Variants in NEUROG1 observed in about 807,000 individuals in gnomAD.
NEUROG1 encodes neurogenin-1.
Under a neutral mutation model 5.7 loss-of-function variants are expected in NEUROG1, and 5 were observed. That is an observed-to-expected ratio of 0.88 (90% CI 0.46 to 1.85). The LOEUF is 1.85. Among genes scored for constraint, NEUROG1 ranks in the 40% most tolerant of loss-of-function variants. NEUROG1 has a pLI of 0.01. For missense variants in NEUROG1, 403 were observed against 345.7 expected (o/e 1.17, Z -1.32); for synonymous variants, 196 against 157.4 (o/e 1.25, Z -1.84).
At position 135,534,895 on chromosome 5, in the gene NEUROG1, G is replaced by A; in HGVS notation, c.*82C>T. The A allele has an allele frequency of 7.2e-7, 1 of 1,388,060 alleles. No homozygotes were observed. The highest frequency in any genetic ancestry group is 9.8e-7 in the Non-Finnish European group (1 of 1,017,396). 86.0% of individuals were successfully genotyped at this position (1,388,060 alleles called of 1,614,324 possible). A position where few individuals can be genotyped will look rare whatever the true frequency, so the allele number is the denominator to read the frequency against. Reference sequence around the variant, plus strand: ...CCCGCTTCCTCCCTCCGCCTGGAGAGGGGGTCCCGAGGCGGCAGCTGGGGC... The same window carrying A: ...CCCGCTTCCTCCCTCCGCCTGGAGAAGGGGTCCCGAGGCGGCAGCTGGGGC... On this transcript the variant is annotated 3_prime_UTR_variant, in exon 1 of 1. Coordinates refer to ENST00000314744, the MANE Select transcript of NEUROG1 (RefSeq NM_006161.3).
At position 135,535,496 on chromosome 5, in the gene NEUROG1, C is replaced by G. The variant is rs1427168768; in HGVS notation, c.195G>C (p.Gln65His). 6.3e-7 allele frequency: 1 copy of G among 1,574,856 alleles called. No individual in the cohort carries two copies. The highest frequency in any genetic ancestry group is 8.6e-7 in the Non-Finnish European group (1 of 1,166,528). Residue 65 changes from glutamine to histidine, a missense_variant, in exon 1 of 1, where the codon CAG becomes CAC. By Grantham distance (24) the Gln-to-His change is conservative (BLOSUM62 0). Transcript: ENST00000314744. ...GCCGCCGCCTCTCCTGCTCGTCGTC[C>G]TGTGCCCCTGGAACCTCAGACGCCC... ...ISRASEVPGA[Q>H]DDEQERRRRR... is the part of the protein sequence containing the mutation.
rs8192558 is a variant in NEUROG1 at position 135,535,750 on chromosome 5, A to C, written c.-60T>G. 330,113 of 1,432,470 alleles carry C rather than the reference A, an allele frequency of 0.23. 38,918 individuals carry two copies. Among genetic ancestry groups the C allele is most frequent in the Middle Eastern group, 0.26 (1,253 of 4,896 alleles). The allele number at this position is 1,432,470 out of a possible 1,614,324, so 88.7% of individuals were successfully genotyped here. A position where few individuals can be genotyped will look rare whatever the true frequency, so the allele number is the denominator to read the frequency against. On this transcript the variant is annotated 5_prime_UTR_variant, in exon 1 of 1. Coordinates refer to ENST00000314744, the MANE Select transcript of NEUROG1 (RefSeq NM_006161.3). ...AGGCGCTCAGAGCGCTGCAGCCCGG[A>C]CTGAGGGCAGAGCCGCCAGGGCGCA...
In NEUROG1 at chr5:135,535,606, C is replaced by A. The variant is rs774189882; in HGVS notation, c.85G>T (p.Glu29Ter). Reference protein sequence around the residue: ...GSDLSGFLTDEEDCARLQQAA... With the variant: ...GSDLSGFLTD ...TGTTGGAGTCTGGCACAGTCTTCCT[C>A]GTCGGTGAGGAAGCCGGATAGGTCA... The change falls in exon 1 of 1, where the codon GAG becomes TAG. Residue 29 changes from glutamate to a stop codon, truncating the protein, a stop_gained. Transcript: ENST00000314744. LOFTEE classifies it low-confidence loss of function (END_TRUNC). 6.3e-7 allele frequency: 1 copy of A among 1,595,020 alleles called. No homozygotes were observed. The highest frequency in any genetic ancestry group is 8.5e-7 in the Non-Finnish European group (1 of 1,176,352).
chr5:135,535,008 T>C lies in NEUROG1; in HGVS notation c.683A>G (p.His228Arg). The change falls in exon 1 of 1, where the codon CAC becomes CGC. Residue 228 changes from histidine (H) to arginine (R), a missense_variant. By Grantham distance (29) the His-to-Arg change is conservative. Transcript: ENST00000314744. Reference sequence around the variant, plus strand: ...GTAAGGAATGAAACAGGGCGTTGTGTGGAGCAAGTCTTTGGGCAGGCTTGG... The same window carrying C: ...GTAAGGAATGAAACAGGGCGTTGTGCGGAGCAAGTCTTTGGGCAGGCTTGG... ...SFPSLPKDLLHTTPCFIPYH is the reference protein window; with the variant it reads ...SFPSLPKDLLRTTPCFIPYH 1.9e-6 allele frequency: 3 copies of C among 1,613,874 alleles called. No homozygotes were observed. Among genetic ancestry groups the C allele is most frequent in the Non-Finnish European group, 2.5e-6 (3 of 1,179,884 alleles).
rs760050425 is a variant in NEUROG1, at chr5:135,535,615, G to A, written c.76C>T (p.Leu26Phe). 26 of 1,596,890 alleles carry A rather than the reference G, an allele frequency of 1.6e-5. No individual in the cohort carries two copies. The Admixed American group carries it at 4.1e-4, about 25-fold the overall frequency. ...SSSGSDLSGF[L>F]TDEEDCARLQ... ...CTGGCACAGTCTTCCTCGTCGGTGA[G>A]GAAGCCGGATAGGTCACTGCCGCTG... Residue 26 changes from leucine (L) to phenylalanine (F), a missense_variant, in exon 1 of 1, where the codon CTC becomes TTC. Coordinates refer to ENST00000314744, the MANE Select transcript of NEUROG1 (RefSeq NM_006161.3).
rs147786121 is a variant in NEUROG1 at position 135,535,244 on chromosome 5, G to A, written c.447C>T (p.Arg149=). The part of the protein sequence containing the change: ...NYIWALAETL[R]LADQGLPGGG... Reference sequence around the variant, plus strand: ...CTCCGGGCAGCCCTTGATCCGCCAGGCGCAGTGTCTCGGCCAGAGCCCAGA... The same window carrying A: ...CTCCGGGCAGCCCTTGATCCGCCAGACGCAGTGTCTCGGCCAGAGCCCAGA... Residue 149 remains arginine (R), a synonymous_variant, in exon 1 of 1, where the codon CGC becomes CGT. Coordinates refer to ENST00000314744, the MANE Select transcript of NEUROG1 (RefSeq NM_006161.3). The A allele has an allele frequency of 9.4e-5, 151 of 1,613,260 alleles. No individual in the cohort carries two copies. Among genetic ancestry groups the A allele is most frequent in the Admixed American group, 4.5e-4 (27 of 60,000 alleles).
In NEUROG1 at chr5:135,534,784, G is replaced by T. The variant is rs985566446; in HGVS notation, c.*193C>A. 1.7e-6 allele frequency: 1 copy of T among 602,954 alleles called. No homozygotes were observed. Among genetic ancestry groups the T allele is most frequent in the Non-Finnish European group, 2.9e-6 (1 of 350,050 alleles). 37.4% of individuals were successfully genotyped at this position (602,954 alleles called of 1,614,324 possible). On this transcript the variant is annotated 3_prime_UTR_variant, in exon 1 of 1. Transcript: ENST00000314744. Reference sequence around the variant, plus strand: ...CGGGCAGGAGGGGCGCTGGGCTGAGGGCCGGAGAAACAGACCAAGAGACAT... The same window carrying T: ...CGGGCAGGAGGGGCGCTGGGCTGAGTGCCGGAGAAACAGACCAAGAGACAT...
Position 135,534,959 on chromosome 5 carries a change from A to T in NEUROG1, c.*18T>A, listed in dbSNP as rs1396896824. The T allele has an allele frequency of 6.2e-7, 1 of 1,607,286 alleles. No individual in the cohort carries two copies. Among genetic ancestry groups the T allele is most frequent in the African/African-American group, 1.3e-5 (1 of 74,160 alleles). On this transcript the variant is annotated 3_prime_UTR_variant, in exon 1 of 1. Transcript: ENST00000314744. Reference sequence around the variant, plus strand: ...TGCTGACTAGGGGAGGGGGAAAGTAACAGTGTCTACAAAGGGCCTAGTGGT... The same window carrying T: ...TGCTGACTAGGGGAGGGGGAAAGTATCAGTGTCTACAAAGGGCCTAGTGGT...
rs1308787243 is a variant in NEUROG1, at chr5:135,535,151, G to A, written c.540C>T (p.Ala180=). 3.7e-6 allele frequency: 6 copies of A among 1,609,084 alleles called. No homozygotes were observed. Among genetic ancestry groups the A allele is most frequent in the Non-Finnish European group, 5.1e-6 (6 of 1,177,816 alleles). Residue 180 remains alanine (A), a synonymous_variant, in exon 1 of 1, where the codon GCC becomes GCT. Coordinates refer to ENST00000314744, the MANE Select transcript of NEUROG1 (RefSeq NM_006161.3). ...VPCLPGPPSP[A]SDAESWGSGA... Reference sequence around the variant, plus strand: ...CTGAGCCCCAGGACTCCGCGTCGCTGGCGGGGCTTGGGGGACCGGGCAGGC... The same window carrying A: ...CTGAGCCCCAGGACTCCGCGTCGCTAGCGGGGCTTGGGGGACCGGGCAGGC...
rs759444958 is a variant in NEUROG1, at chr5:135,535,449, C to T, written c.242G>A (p.Arg81His). Residue 81 changes from arginine to histidine, a missense_variant, in exon 1 of 1, where the codon CGC becomes CAC. Transcript: ENST00000314744. ...CAGCGAGTGCAGCAGCGCCTCGGAG[C>T]GGACCCGCGTCCGGCCGCGGCGCCG... ...RRRRRGRTRV[R>H]SEALLHSLRR... 15 of 1,575,630 alleles carry T rather than the reference C, an allele frequency of 9.5e-6. No homozygotes were observed. The highest frequency in any genetic ancestry group is 1.3e-5 in the Non-Finnish European group (15 of 1,163,788).
chr5:135,534,998 G>A lies in NEUROG1; in HGVS notation c.693C>T (p.Pro231=). 6.2e-7 allele frequency: 1 copy of A among 1,613,936 alleles called. No homozygotes were observed. The highest frequency in any genetic ancestry group is 1.1e-5 in the South Asian group (1 of 91,074). ...GGGCCTAGTGGTAAGGAATGAAACA[G>A]GGCGTTGTGTGGAGCAAGTCTTTGG... ...SLPKDLLHTT[P]CFIPYH is the part of the protein sequence containing the mutation. Residue 231 remains proline (P), a synonymous_variant, in exon 1 of 1, where the codon CCC becomes CCT. Coordinates refer to ENST00000314744, the MANE Select transcript of NEUROG1 (RefSeq NM_006161.3).
At position 135,534,687 on chromosome 5, in the gene NEUROG1, G is replaced by A; in HGVS notation, c.*290C>T. The A allele has an allele frequency of 2.6e-6, 1 of 377,654 alleles. No individual in the cohort carries two copies. The highest frequency in any genetic ancestry group is 4.7e-6 in the Non-Finnish European group (1 of 212,632). The allele number at this position is 377,654 out of a possible 1,614,324, so 23.4% of individuals were successfully genotyped here. A position where few individuals can be genotyped will look rare whatever the true frequency, so the allele number is the denominator to read the frequency against. ...AAATCACACTGAAGTGGTGGCTGGGGTCAGTTCTGAGCCAGTCACAAAGGA... is the reference window on the plus strand; with the variant it reads ...AAATCACACTGAAGTGGTGGCTGGGATCAGTTCTGAGCCAGTCACAAAGGA... On this transcript the variant is annotated 3_prime_UTR_variant, in exon 1 of 1. Transcript: ENST00000314744.
chr5:135,535,710 G>T lies in NEUROG1; in HGVS notation c.-20C>A. 6.7e-7 allele frequency: 1 copy of T among 1,501,488 alleles called. No individual in the cohort carries two copies. Among genetic ancestry groups the T allele is most frequent in the South Asian group, 1.4e-5 (1 of 73,556 alleles). The allele number at this position is 1,501,488 out of a possible 1,614,324, so 93.0% of individuals were successfully genotyped here. A position where few individuals can be genotyped will look rare whatever the true frequency, so the allele number is the denominator to read the frequency against. ...TGGCATCGTTGCGCTGTGCAGGACC[G>T]ACGGACAGATAGAAAGGCGCTCAGA... On this transcript the variant is annotated 5_prime_UTR_variant, in exon 1 of 1. Transcript: ENST00000314744.
chr5:135,535,469 G>GCGC lies in NEUROG1; in HGVS notation c.219_221dup (p.Arg75dup), dbSNP rs749025684. ...CGGAGCGGACCCGCGTCCGGCCGCGGCGCCGCCGCCTCTCCTGCTCGTCGT... is the reference window on the plus strand; with the variant it reads ...CGGAGCGGACCCGCGTCCGGCCGCGGCGCCGCCGCCGCCTCTCCTGCTCGTCGT... On this transcript the variant is annotated inframe_insertion, in exon 1 of 1. Transcript: ENST00000314744. 4 of 1,564,850 alleles carry GCGC rather than the reference G, an allele frequency of 2.6e-6. No homozygotes were observed. The highest frequency in any genetic ancestry group is 1.9e-5 in the Admixed American group (1 of 53,700).
rs774275723 is a variant in NEUROG1 at position 135,535,664 on chromosome 5, G to A, written c.27C>T (p.Ile9=). 1 of 1,575,286 alleles carries A rather than the reference G, an allele frequency of 6.3e-7. No individual in the cohort carries two copies. Among genetic ancestry groups the A allele is most frequent in the Non-Finnish European group, 8.6e-7 (1 of 1,165,148 alleles). The change falls in exon 1 of 1, where the codon ATC becomes ATT. Residue 9 remains isoleucine (I), a synonymous_variant. Transcript: ENST00000314744. MPARLETC[I]SDLDCASSSG... is the part of the protein sequence containing the mutation. ...TGCTGCTGGCGCAGTCGAGGTCGGA[G>A]ATGCAGGTCTCAAGGCGGGCTGGCA...
Position 135,535,160 on chromosome 5 carries a change from T to TG in NEUROG1, c.530dup (p.Ser178LysfsTer21). 1 of 1,609,356 alleles carries TG rather than the reference T, an allele frequency of 6.2e-7. No homozygotes were observed. The highest frequency in any genetic ancestry group is 8.5e-7 in the Non-Finnish European group (1 of 1,177,882). On this transcript the variant is annotated frameshift_variant, in exon 1 of 1. Transcript: ENST00000314744. LOFTEE classifies it high-confidence loss of function. ...AGGACTCCGCGTCGCTGGCGGGGCT[T>TG]GGGGGACCGGGCAGGCAGGGGACGC...
In NEUROG1 at chr5:135,535,184, GCA is replaced by G. The variant is rs755781763; in HGVS notation, c.505_506del (p.Cys169ArgfsTer29). ...GARERLLPPQ[C>X]VPCLPGPPSP... ...TTGGGGGACCGGGCAGGCAGGGGAC[GCA>G]CTGCGGCGGCAGGAGGCGCTCCCGG... On this transcript the variant is annotated frameshift_variant, in exon 1 of 1. Coordinates refer to ENST00000314744, the MANE Select transcript of NEUROG1 (RefSeq NM_006161.3). LOFTEE classifies it high-confidence loss of function. 1 of 1,610,214 alleles carries G rather than the reference GCA, an allele frequency of 6.2e-7. No individual in the cohort carries two copies. The highest frequency in any genetic ancestry group is 1.1e-5 in the South Asian group (1 of 90,832).
Position 135,535,442 on chromosome 5 carries a change from C to T in NEUROG1, c.249G>A (p.Glu83=). ...TCCTGCGCAGCGAGTGCAGCAGCGC[C>T]TCGGAGCGGACCCGCGTCCGGCCGC... ...RRRGRTRVRS[E]ALLHSLRRSR... is the part of the protein sequence containing the mutation. The change falls in exon 1 of 1, where the codon GAG becomes GAA. Residue 83 remains glutamate, a synonymous_variant. Transcript: ENST00000314744. 1 of 1,585,554 alleles carries T rather than the reference C, an allele frequency of 6.3e-7. No homozygotes were observed. Among genetic ancestry groups the T allele is most frequent in the Non-Finnish European group, 8.6e-7 (1 of 1,167,298 alleles).
rs912000278 is a variant in NEUROG1, at chr5:135,535,053, C to G, written c.638G>C (p.Gly213Ala). 6.2e-7 allele frequency: 1 copy of G among 1,613,984 alleles called. No homozygotes were observed. Among genetic ancestry groups the G allele is most frequent in the Non-Finnish European group, 8.5e-7 (1 of 1,179,942 alleles). ...AASEDFTYRP[G>A]DPVFSFPSLP... The stretch of plus-strand genomic sequence containing the variant: ...GCTTGGGAAGGAGAAAACAGGGTCG[C>G]CGGGGCGGTAGGTGAAGTCTTCGGA... The change falls in exon 1 of 1, where the codon GGC (glycine) becomes GCC (alanine). Residue 213 changes from glycine to alanine, a missense_variant. Coordinates refer to ENST00000314744, the MANE Select transcript of NEUROG1 (RefSeq NM_006161.3).
Sources: gnomAD v4.1 joint callset for allele counts on GRCh38, gnomAD v4.1.1 for gene constraint, MANE v1.5 for transcripts, NCBI Gene and HGNC (gene_info 2026-07-23, HGNC 2026-07-21) for gene names.